The following MAN1A1 variants were observed in gnomAD, a reference collection of about 807,000 sequenced individuals.
MAN1A1 encodes the protein mannosidase alpha class 1A member 1.
MAN1A1 carries 29 observed loss-of-function variants against 70.8 expected under a neutral mutation model. The ratio of observed to expected loss-of-function variants is 0.41; its 90% CI spans 0.31 to 0.56. The LOEUF is 0.56. MAN1A1 is among the 20% of genes least tolerant of loss of function. MAN1A1 has a pLI of 0.29. For missense variants in MAN1A1, 747 were observed against 841.3 expected (o/e 0.89, Z 1.39); for synonymous variants, 349 against 330.1 (o/e 1.06, Z -0.62).
intron 6 of MAN1A1, among the ~76,000 whole-genome samples, chr6:119,232,276 G>A (rs1448100320): frequency 6.6e-6 from 1 of 150,596 alleles, no homozygotes; most frequent in Non-Finnish European, 1.5e-5. Context: ...GGGAGGCTGA[G>A]GCAAGAGAAT....
At chr6:119,207,427 C>T (rs933750405) in intron 6 of MAN1A1, among the ~76,000 whole-genome samples, 5 of 152,140 alleles carry the variant, frequency 3.3e-5, no homozygotes, top group Admixed American at 6.5e-5. Context: ...ATGAGATCAA[C>T]GGTTCTACTG....
chr6:119,254,795 T>C (rs1016303812), intron 5 of MAN1A1, among the ~76,000 whole-genome samples: 2 of 152,216 alleles, frequency 1.3e-5, no homozygotes, highest in Non-Finnish European at 2.9e-5. Flanking sequence ...GTCAAAACAA[T>C]GTAACTTGCT....
At chr6:119,218,091 C>T (rs1198055492) in intron 6 of MAN1A1, among the ~76,000 whole-genome samples, 1 of 152,124 alleles carries the variant, frequency 6.6e-6, no homozygotes, top group Non-Finnish European at 1.5e-5. Flanking sequence ...AGTGGTCATC[C>T]TAATGGTTTT....
At chr6:119,302,211 C>A (rs1478637211) in intron 3 of MAN1A1, 108 bp from the exon 4 acceptor site, 2 of 572,230 alleles carry the variant, frequency 3.5e-6, no homozygotes, top group East Asian at 2.8e-5. Context: ...TATTAATAAG[C>A]AATAATATTA....
intron 4 of MAN1A1, among the ~76,000 whole-genome samples, chr6:119,291,810 C>G (rs140790417): frequency 9.2e-5 from 14 of 152,022 alleles, no homozygotes; most frequent in Admixed American, 1.3e-4. Context: ...TATGTTATAC[C>G]ATGCTGAAAT....
At chr6:119,224,850 C>T (rs771976601) in intron 6 of MAN1A1, among the ~76,000 whole-genome samples, 24 of 152,054 alleles carry the variant, frequency 1.6e-4, no homozygotes, top group African/African-American at 2.7e-4. Flanking sequence ...TATCTGGGGC[C>T]GGGTGCAGTG....
chr6:119,318,176 C>T (rs1210725404), intron 2 of MAN1A1, among the ~76,000 whole-genome samples: 1 of 152,094 alleles, frequency 6.6e-6, no homozygotes, highest in Non-Finnish European at 1.5e-5. Context: ...ATTGGTGTGT[C>T]CCAAAAATGT....
At chr6:119,180,453 A>AAAAAT in intron 11 of MAN1A1, 26 bp from the exon 12 acceptor site, 1 of 1,229,448 alleles carries the variant, frequency 8.1e-7, no homozygotes, top group African/African-American at 1.5e-5. Flanking sequence ...GGAAAAAAAA[A>AAAAAT]AGTCACATTT....
At chr6:119,204,970 T>TA (rs1350601854) in intron 6 of MAN1A1, 88 bp from the exon 7 acceptor site, 2 of 1,376,872 alleles carry the variant, frequency 1.5e-6, no homozygotes, top group Non-Finnish European at 2.0e-6. Context: ...AGACAGCTTT[T>TA]AAAAAAAGGC....
At chr6:119,311,288 C>T (rs1772692760) in intron 2 of MAN1A1, among the ~76,000 whole-genome samples, 1 of 152,112 alleles carries the variant, frequency 6.6e-6, no homozygotes, top group Non-Finnish European at 1.5e-5. Context: ...TAGTATAACA[C>T]ATAAATAGGA....
At chr6:119,287,332 A>G (rs534130478) in intron 5 of MAN1A1, among the ~76,000 whole-genome samples, 17 of 152,200 alleles carry the variant, frequency 1.1e-4, no homozygotes, top group South Asian at 6.2e-4. Context: ...TCTGCTCAAT[A>G]TAGCTATTGG....
At chr6:119,209,630 C>T (rs765848261) in intron 6 of MAN1A1, among the ~76,000 whole-genome samples, 12 of 152,166 alleles carry the variant, frequency 7.9e-5, no homozygotes, top group Non-Finnish European at 1.5e-4. Context: ...TCAACGATTG[C>T]GTCATTTAGC....
chr6:119,201,645 T>G (rs1045575561), intron 7 of MAN1A1, among the ~76,000 whole-genome samples: 1 of 152,164 alleles, frequency 6.6e-6, no homozygotes, highest in African/African-American at 2.4e-5. Context: ...ATAAGTCTAG[T>G]CATGTGTCCC....
At chr6:119,240,500 T>C (rs1236325564) in intron 6 of MAN1A1, among the ~76,000 whole-genome samples, 1 of 152,100 alleles carries the variant, frequency 6.6e-6, no homozygotes, top group Non-Finnish European at 1.5e-5. Flanking sequence ...TGAGGACCGC[T>C]ACAGCCTGTG....
At chr6:119,292,032 A>G (rs186158462) in intron 4 of MAN1A1, among the ~76,000 whole-genome samples, 4 of 152,158 alleles carry the variant, frequency 2.6e-5, no homozygotes, top group African/African-American at 9.6e-5. Context: ...TAGAAGCAGG[A>G]TTTGAACTTG....
At chr6:119,205,237 T>TA (rs1773828378) in intron 6 of MAN1A1, among the ~76,000 whole-genome samples, 1 of 152,198 alleles carries the variant, frequency 6.6e-6, no homozygotes, top group Non-Finnish European at 1.5e-5. Context: ...AAATGCCACA[T>TA]AAAGCTCTTC....
At chr6:119,344,665 T>C (rs1247830300) in intron 2 of MAN1A1, among the ~76,000 whole-genome samples, 4 of 152,250 alleles carry the variant, frequency 2.6e-5, no homozygotes, top group Non-Finnish European at 5.9e-5. Context: ...GAAAGTTAAG[T>C]GTCAAAATAA....
At chr6:119,303,616 T>C (rs1275661578) in intron 3 of MAN1A1, among the ~76,000 whole-genome samples, 1 of 152,174 alleles carries the variant, frequency 6.6e-6, no homozygotes, top group Non-Finnish European at 1.5e-5. Flanking sequence ...GGATCTAATA[T>C]GTGCTTACTA....
At chr6:119,345,221 C>T (rs1773697118) in intron 2 of MAN1A1, among the ~76,000 whole-genome samples, 1 of 151,134 alleles carries the variant, frequency 6.6e-6, no homozygotes, top group Non-Finnish European at 1.5e-5. Context: ...AGAAGGGAAG[C>T]TAAAAATGAT....
Sources: allele counts gnomAD v4.1 joint callset (sites outside exome capture counted in the v4.1 genomes callset), GRCh38; gene constraint gnomAD v4.1.1; transcripts MANE v1.5; gene names NCBI Gene and HGNC (gene_info 2026-07-23, HGNC 2026-07-21).